The following EYA4 variants were observed in gnomAD, a reference collection of about 807,000 sequenced individuals.
The protein encoded by EYA4 is protein phosphatase EYA4.
In EYA4, 31 loss-of-function variants were observed where a neutral mutation model predicts 87.9. The ratio of observed to expected loss-of-function variants is 0.35; its 90% CI spans 0.27 to 0.48. EYA4 has a LOEUF of 0.48. EYA4 is among the 20% of genes least tolerant of loss of function. The pLI is 0.99. For missense variants in EYA4, 678 were observed against 761.4 expected (o/e 0.89, Z 1.29); for synonymous variants, 263 against 270.6 (o/e 0.97, Z 0.28).
At chr6:133,244,352 A>G (rs1774231222) in intron 1 of EYA4, among the ~76,000 whole-genome samples, 1 of 152,156 alleles carries the variant, frequency 6.6e-6, no homozygotes, top group Non-Finnish European at 1.5e-5. Context: ...AACGTCTCAC[A>G]TATATGTATG....
intron 1 of EYA4, among the ~76,000 whole-genome samples, chr6:133,261,540 G>T (rs7756406): frequency 0.023 from 3,434 of 152,206 alleles, 113 homozygotes; most frequent in African/African-American, 0.076. Flanking sequence ...GGTGACAAAT[G>T]CTAATGACTT....
chr6:133,252,987 A>T (rs866722259), intron 1 of EYA4, among the ~76,000 whole-genome samples: 159 of 118,110 alleles, frequency 1.3e-3, no homozygotes, highest in Middle Eastern at 4.5e-3. Context: ...ACACACACAC[A>T]CACTCACTCT....
At chr6:133,300,908 T>C (rs1198029544) in intron 2 of EYA4, among the ~76,000 whole-genome samples, 1 of 152,256 alleles carries the variant, frequency 6.6e-6, no homozygotes, top group Non-Finnish European at 1.5e-5. Flanking sequence ...CCACAGCTGG[T>C]CTGCTTCCCT....
chr6:133,348,425 C>T (rs1039029075), intron 2 of EYA4, among the ~76,000 whole-genome samples: 2 of 151,838 alleles, frequency 1.3e-5, no homozygotes, highest in African/African-American at 4.8e-5. Flanking sequence ...CCACCATGCC[C>T]GGCTAATTTT....
intron 2 of EYA4, among the ~76,000 whole-genome samples, chr6:133,278,823 A>G (rs1011603861): frequency 6.6e-6 from 1 of 152,138 alleles, no homozygotes; most frequent in Non-Finnish European, 1.5e-5. Context: ...CTGCAGTTCT[A>G]TTTTAGAGCT....
intron 5 of EYA4, among the ~76,000 whole-genome samples, chr6:133,451,958 T>C (rs978809494): frequency 2.0e-5 from 3 of 152,184 alleles, no homozygotes; most frequent in Non-Finnish European, 4.4e-5. Context: ...TTTGTAGATT[T>C]TTTTTTAGAA....
chr6:133,359,478 T>C (rs1290406495), intron 2 of EYA4, among the ~76,000 whole-genome samples: 2 of 152,222 alleles, frequency 1.3e-5, no homozygotes, highest in African/African-American at 4.8e-5. Flanking sequence ...TGCTGTTGGG[T>C]TGCTCTCATT....
At chr6:133,367,644 TAG>T (rs1554237281) in intron 2 of EYA4, among the ~76,000 whole-genome samples, 1 of 152,162 alleles carries the variant, frequency 6.6e-6, no homozygotes, top group Non-Finnish European at 1.5e-5. Context: ...AAGCACTGTA[TAG>T]AGGTTTTGGA....
At chr6:133,375,121 G>T (rs1247116700) in intron 2 of EYA4, among the ~76,000 whole-genome samples, 1 of 152,002 alleles carries the variant, frequency 6.6e-6, no homozygotes, top group East Asian at 1.9e-4. Flanking sequence ...GAGTCGTATT[G>T]AGAAGTGTTG....
chr6:133,253,497 A>G (rs1000121447), intron 1 of EYA4, among the ~76,000 whole-genome samples: 1 of 152,122 alleles, frequency 6.6e-6, no homozygotes, highest in Admixed American at 6.5e-5. Context: ...GTGGGTCCTA[A>G]TGTGGTAAGA....
At chr6:133,372,687 T>C (rs1203277124) in intron 2 of EYA4, among the ~76,000 whole-genome samples, 1 of 151,624 alleles carries the variant, frequency 6.6e-6, no homozygotes, top group Admixed American at 6.6e-5. Context: ...GAAGATAAAA[T>C]CTGTAAAATT....
intron 2 of EYA4, among the ~76,000 whole-genome samples, chr6:133,364,603 C>T (rs1784716205): frequency 6.6e-6 from 1 of 152,226 alleles, no homozygotes; most frequent in Non-Finnish European, 1.5e-5. Context: ...AGATTTACTG[C>T]ATTTGACTCC....
intron 1 of EYA4, among the ~76,000 whole-genome samples, chr6:133,267,603 G>A (rs1170715039): frequency 1.3e-5 from 2 of 152,042 alleles, no homozygotes; most frequent in African/African-American, 2.4e-5. Context: ...GGCTGGTCTC[G>A]AACTCCTGAC....
chr6:133,337,252 C>T (rs375188619), intron 2 of EYA4, among the ~76,000 whole-genome samples: 61 of 152,064 alleles, frequency 4.0e-4, no homozygotes, highest in African/African-American at 1.4e-3. Context: ...GGAGGCTATG[C>T]GGTAGACCTG....
intron 2 of EYA4, among the ~76,000 whole-genome samples, chr6:133,317,932 T>TCATC (rs1055368585): frequency 3.0e-4 from 44 of 146,188 alleles, no homozygotes; most frequent in Middle Eastern, 3.5e-3. Flanking sequence ...ACCCATTCCC[T>TCATC]CATCCATCCA....
intron 3 of EYA4, among the ~76,000 whole-genome samples, chr6:133,439,132 T>A (rs2128605502): frequency 6.6e-6 from 1 of 151,758 alleles, no homozygotes; most frequent in South Asian, 2.1e-4. Context: ...CATTTAGCAT[T>A]GACTGTAATT....
At chr6:133,382,504 A>G in intron 3 of EYA4, 63 bp downstream of exon 3, 1 of 1,050,218 alleles carries the variant, frequency 9.5e-7, no homozygotes, top group Admixed American at 1.7e-5. Context: ...CACTAGTAAG[A>G]TGTTATACCT....
At position 133,451,927 on chromosome 6, in the gene EYA4, C is replaced by T. The variant is rs895818796; in HGVS notation, c.277+3748C>T. Among the ~76,000 whole-genome samples the T allele has an allele frequency of 4.3e-4, 66 of 151,820 alleles. 1 individual carries two copies. Among genetic ancestry groups the T allele is most frequent in the African/African-American group, 4.8e-5 (2 of 41,314 alleles). Reference sequence around the variant, plus strand: ...ATTAGTATTTGTGCAATAGAGCTACCTACTGCTGTGGGTCAGCTCTTTTGT... The same window carrying T: ...ATTAGTATTTGTGCAATAGAGCTACTTACTGCTGTGGGTCAGCTCTTTTGT... On this transcript the variant is annotated intron_variant, in intron 5 of 19. Transcript: ENST00000355286.
chr6:133,256,385 A>G (rs1319897450), intron 1 of EYA4, among the ~76,000 whole-genome samples: 1 of 151,924 alleles, frequency 6.6e-6, no homozygotes, highest in African/African-American at 2.4e-5. Flanking sequence ...AATTATTAGG[A>G]GAAATGGTTC....
Sources: allele counts gnomAD v4.1 joint callset (sites outside exome capture counted in the v4.1 genomes callset), GRCh38; gene constraint gnomAD v4.1.1; transcripts MANE v1.5; gene names NCBI Gene and HGNC (gene_info 2026-07-23, HGNC 2026-07-21).